WIZ: variants seen among roughly 807,000 people sequenced by gnomAD.
The protein encoded by WIZ is protein Wiz.
In WIZ, 25 loss-of-function variants were observed where a neutral mutation model predicts 140.2. The observed-to-expected ratio is 0.18, with a 90% CI of 0.13 to 0.25. WIZ has a LOEUF of 0.25. Among genes scored for constraint, WIZ ranks in the 10% least tolerant of loss-of-function variants. The probability of loss-of-function intolerance (pLI) is 1.00; values close to 1 mark genes in which losing one functional copy is unlikely to be tolerated. For missense variants in WIZ, 2,231 were observed against 2,632.6 expected, an observed-to-expected ratio of 0.85 and a Z score of 3.34; for synonymous variants, 1,125 against 1,154.3, an observed-to-expected ratio of 0.97 and a Z score of 0.51.
At chr19:15,438,461 C>A in intron 4 of WIZ, 117 bp downstream of exon 4, 1 of 1,228,080 alleles carries the variant, frequency 8.1e-7, no homozygotes, top group Admixed American at 2.9e-5. Flanking sequence ...GCTCTCAAGT[C>A]TCTCAGGAGC....
rs1339088334 is a variant in WIZ at position 15,449,851 on chromosome 19, T to G, written c.-114A>C. ...CGGGGCTCGGAGCTCCCCTCCTTGG[T>G]GCGGCCGTCGCTGCCGCTACCGCCG... On this transcript the variant is annotated 5_prime_UTR_variant, in exon 1 of 13. Transcript: ENST00000673675. 1.3e-5 allele frequency: 2 copies of G among 148,838 alleles called. No homozygotes were observed. The highest frequency in any genetic ancestry group is 3.0e-5 in the Non-Finnish European group (2 of 66,386). The allele number at this position is 148,838 out of a possible 1,614,324, so 9.2% of individuals were successfully genotyped here. A position where few individuals can be genotyped will look rare whatever the true frequency, so the allele number is the denominator to read the frequency against.
rs1373016827 is a variant in WIZ, at chr19:15,428,632, C to T, written c.3416-124G>A. The T allele has an allele frequency of 2.1e-5, 23 of 1,117,626 alleles. No individual in the cohort carries two copies. The highest frequency in any genetic ancestry group is 7.8e-5 in the African/African-American group (5 of 63,790). 69.2% of individuals were successfully genotyped at this position (1,117,626 alleles called of 1,614,324 possible). A position where few individuals can be genotyped will look rare whatever the true frequency, so the allele number is the denominator to read the frequency against. ...CAGTTGGGGGGTCCAAGACTCAGGCCGCAGATTTCTTTTGAAGTTTGGGAA... is the reference window on the plus strand; with the variant it reads ...CAGTTGGGGGGTCCAAGACTCAGGCTGCAGATTTCTTTTGAAGTTTGGGAA... On this transcript the variant is annotated intron_variant, in intron 7 of 12. Coordinates refer to ENST00000673675, the MANE Select transcript of WIZ (RefSeq NM_001371589.1). The surrounding 1 kb of genome is among the most constrained non-coding windows in gnomAD (Gnocchi z 6.4).
rs1383922311 is a variant in WIZ at position 15,440,615 on chromosome 19, G to C, written c.379C>G (p.His127Asp). 48 of 1,534,452 alleles carry C rather than the reference G, an allele frequency of 3.1e-5. No individual in the cohort carries two copies. Among genetic ancestry groups the C allele is most frequent in the Non-Finnish European group, 3.8e-5 (44 of 1,145,666 alleles). ...TCCCCAGCCTCCTGGACAAGGGGGT[G>C]CTCCCAGGGCCCCCGGCCATCAGGG... Reference protein sequence around the residue: ...GTPDGRGPWEHPLVQEAGEGI... With the variant: ...GTPDGRGPWEDPLVQEAGEGI... Residue 127 changes from histidine (H) to aspartate (D), a missense_variant, in exon 4 of 13, where the codon CAC becomes GAC. His to Asp is a moderately conservative substitution (Grantham distance 81). Coordinates refer to ENST00000673675, the MANE Select transcript of WIZ (RefSeq NM_001371589.1). This position sits in a 1 kb window ranked among gnomAD's most constrained non-coding sequence, Gnocchi z 6.2.
At chr19:15,437,184 C>T in intron 4 of WIZ, 55 bp from the exon 5 acceptor site, 3 of 1,462,872 alleles carry the variant, frequency 2.1e-6, no homozygotes, top group Non-Finnish European at 2.7e-6. Context: ...TCCCCAGCCC[C>T]AACCCCTCCC....
At chr19:15,432,226 G>A (rs1341668202) in intron 5 of WIZ, among the ~76,000 whole-genome samples, 2 of 152,000 alleles carry the variant, frequency 1.3e-5, no homozygotes, top group South Asian at 2.1e-4. Flanking sequence ...TCTGTCAGAC[G>A]GGGCAAAGGT....
intron 5 of WIZ, among the ~76,000 whole-genome samples, chr19:15,434,585 CAA>C (rs5827287): frequency 5.6e-5 from 7 of 124,126 alleles, no homozygotes; most frequent in Non-Finnish European, 8.3e-5. Flanking sequence ...GACTCCATCT[CAA>C]AAAAAAAAAA....
rs760112356 is a variant in WIZ at position 15,436,937 on chromosome 19, G to A, written c.2609C>T (p.Pro870Leu). Residue 870 changes from proline to leucine, a missense_variant, in exon 5 of 13, where the codon CCC (proline) becomes CTC (leucine). By Grantham distance (98) the Pro-to-Leu change is moderately conservative (BLOSUM62 -3). Coordinates refer to ENST00000673675, the MANE Select transcript of WIZ (RefSeq NM_001371589.1). ...ELLATSAAEQ[P>L]PSPLGREPGG... ...AGGCTCTCGGCCCAGGGGGCTGGGG[G>A]GCTGCTCAGCAGCAGAGGTGGCCAG... The A allele has an allele frequency of 6.2e-7, 1 of 1,613,540 alleles. No individual in the cohort carries two copies. The highest frequency in any genetic ancestry group is 2.2e-5 in the East Asian group (1 of 44,840).
chr19:15,439,506 G>C lies in WIZ; in HGVS notation c.1488C>G (p.Gly496=), dbSNP rs1164280012. The C allele has an allele frequency of 1.3e-6, 2 of 1,534,528 alleles. No homozygotes were observed. Among genetic ancestry groups the C allele is most frequent in the Middle Eastern group, 1.7e-4 (1 of 5,980 alleles). ...TGGCAGGGTCTTCCTCATAAGCCTC[G>C]CCATCCTCCTCCCAGTGGGGATGGG... ...VHAHPHWEED[G]EAYEEDPASQ... is the part of the protein sequence containing the mutation. Residue 496 remains glycine (G), a synonymous_variant, in exon 4 of 13, where the codon GGC becomes GGG. Transcript: ENST00000673675. The surrounding 1 kb of genome is among the most constrained non-coding windows in gnomAD (Gnocchi z 7.0).
At position 15,440,426 on chromosome 19, in the gene WIZ, C is replaced by T. The variant is rs1184388053; in HGVS notation, c.568G>A (p.Glu190Lys). 8 of 1,535,948 alleles carry T rather than the reference C, an allele frequency of 5.2e-6. No homozygotes were observed. Among genetic ancestry groups the T allele is most frequent in the African/African-American group, 4.1e-5 (3 of 73,040 alleles). The change falls in exon 4 of 13, where the codon GAG (glutamate) becomes AAG (lysine). Residue 190 changes from glutamate to lysine, a missense_variant. Glu to Lys is a moderately conservative substitution (Grantham distance 56, BLOSUM62 1). This residue lies in a region of WIZ where 307 missense variants were observed against 294.1 expected (regional missense o/e 1.04). Coordinates refer to ENST00000673675, the MANE Select transcript of WIZ (RefSeq NM_001371589.1). The surrounding 1 kb of genome is among the most constrained non-coding windows in gnomAD (Gnocchi z 6.2). ...GRPRFDWLQD[E>K]DEQGSPQDAG... ...TCCTGGGGGGATCCCTGCTCGTCCT[C>T]ATCTTGGAGCCAGTCGAACCTGGGG...
Position 15,425,652 on chromosome 19 carries a change from C to G in WIZ, c.4483G>C (p.Glu1495Gln). ...ATGGGCGAACCATTGACGGACCACT[C>G]GGTCACACCCATCTGCCGCAGGTGT... The part of the protein sequence containing the change: ...RSHLRQMGVT[E>Q]WSVNGSPIDT... Residue 1495 changes from glutamate (E) to glutamine (Q), a missense_variant, in exon 10 of 13, where the codon GAG (glutamate) becomes CAG (glutamine). This residue lies in a region of WIZ where 393 missense variants were observed against 451.7 expected (regional missense o/e 0.87). Transcript: ENST00000673675. 1 of 1,613,638 alleles carries G rather than the reference C, an allele frequency of 6.2e-7. No individual in the cohort carries two copies. The highest frequency in any genetic ancestry group is 8.5e-7 in the Non-Finnish European group (1 of 1,179,952).
rs917548979 is a variant in WIZ, at chr19:15,437,025, G to T, written c.2521C>A (p.Arg841Ser). ...TCCCAGTTGGTGATACCGAAGTCAC[G>T]TAGGTGGGCCCGGGCGTGGCTGGAG... Reference protein sequence around the residue: ...GLSSHARAHLRDFGITNWELT... With the variant: ...GLSSHARAHLSDFGITNWELT... The change falls in exon 5 of 13, where the codon CGT becomes AGT. Residue 841 changes from arginine to serine, a missense_variant. Around this residue, in one of 15 missense-constraint regions of WIZ, gnomAD observed 118 missense variants for 209.1 expected, o/e 0.56. Coordinates refer to ENST00000673675, the MANE Select transcript of WIZ (RefSeq NM_001371589.1). 9 of 1,613,732 alleles carry T rather than the reference G, an allele frequency of 5.6e-6. No individual in the cohort carries two copies. Among genetic ancestry groups the T allele is most frequent in the Non-Finnish European group, 7.6e-6 (9 of 1,179,902 alleles).
chr19:15,425,440 C>G lies in WIZ; in HGVS notation c.4695G>C (p.Pro1565=). ...GGCTGAGCTCACGAGGAACCTGGGC[C>G]GGCCCTGCACCTGGTTTGCCTGGCC... The part of the protein sequence containing the change: ...AGRPGKPGAG[P]AQVPRELSLT... The change falls in exon 10 of 13, where the codon CCG becomes CCC. Residue 1565 remains proline, a synonymous_variant. Transcript: ENST00000673675. 6.4e-7 allele frequency: 1 copy of G among 1,570,916 alleles called. No individual in the cohort carries two copies. The highest frequency in any genetic ancestry group is 1.9e-5 in the Admixed American group (1 of 52,882).
At chr19:15,443,190 G>A (rs577035932) in intron 2 of WIZ, among the ~76,000 whole-genome samples, 52 of 152,328 alleles carry the variant, frequency 3.4e-4, no homozygotes, top group Middle Eastern at 3.4e-3. Flanking sequence ...TCCTACCTTA[G>A]CCTCCTGAGT....
Position 15,424,752 on chromosome 19 carries a change from G to A in WIZ, c.5175C>T (p.Gly1725=), listed in dbSNP as rs527969902. 107 of 1,570,336 alleles carry A rather than the reference G, an allele frequency of 6.8e-5. No homozygotes were observed. The African/African-American group carries it at 1.3e-3, about 20-fold the overall frequency. Reference sequence around the variant, plus strand: ...CGGCACTGCGGCCGACCACGGCCAGGCCCCCGGGTGCCAGCCCCAGGGACG... The same window carrying A: ...CGGCACTGCGGCCGACCACGGCCAGACCCCCGGGTGCCAGCCCCAGGGACG... ...KRPSLGLAPG[G]LAVVGRSAGG... is the part of the protein sequence containing the mutation. The change falls in exon 11 of 13, where the codon GGC becomes GGT. Residue 1725 remains glycine, a synonymous_variant. Transcript: ENST00000673675. The surrounding 1 kb of genome is among the most constrained non-coding windows in gnomAD (Gnocchi z 9.7).
rs1452591067 is a variant in WIZ, at chr19:15,428,266, C to T, written c.3658G>A (p.Ala1220Thr). Residue 1220 changes from alanine (A) to threonine (T), a missense_variant, in exon 8 of 13, where the codon GCG (alanine) becomes ACG (threonine). Physicochemically the swap from Ala to Thr is moderately conservative, Grantham distance 58 (BLOSUM62 0). This residue lies in a region of WIZ where 141 missense variants were observed against 161.2 expected (regional missense o/e 0.87). Coordinates refer to ENST00000673675, the MANE Select transcript of WIZ (RefSeq NM_001371589.1). This position sits in a 1 kb window ranked among gnomAD's most constrained non-coding sequence, Gnocchi z 6.4. The stretch of plus-strand genomic sequence containing the variant: ...GGGGGGGGAAGCAAGGAGAGGGCCG[C>T]GGAGGTGGGAGGCGGCCGCCCCGGG... Reference protein sequence around the residue: ...AHPGRPPPTSAALSLLPPPPP... With the variant: ...AHPGRPPPTSTALSLLPPPPP... The T allele has an allele frequency of 4.9e-5, 75 of 1,527,562 alleles. No homozygotes were observed. Among genetic ancestry groups the T allele is most frequent in the Non-Finnish European group, 5.4e-5 (62 of 1,143,758 alleles). 94.6% of individuals were successfully genotyped at this position (1,527,562 alleles called of 1,614,324 possible). A position where few individuals can be genotyped will look rare whatever the true frequency, so the allele number is the denominator to read the frequency against.
In WIZ at chr19:15,437,026, T is replaced by C. The variant is rs1166011413; in HGVS notation, c.2520A>G (p.Leu840=). The C allele has an allele frequency of 1.2e-6, 2 of 1,613,700 alleles. No individual in the cohort carries two copies. Among genetic ancestry groups the C allele is most frequent in the Non-Finnish European group, 1.7e-6 (2 of 1,179,842 alleles). The change falls in exon 5 of 13, where the codon CTA becomes CTG. Residue 840 remains leucine (L), a synonymous_variant. Transcript: ENST00000673675. ...AGLSSHARAH[L]RDFGITNWEL... is the part of the protein sequence containing the mutation. Reference sequence around the variant, plus strand: ...CCCAGTTGGTGATACCGAAGTCACGTAGGTGGGCCCGGGCGTGGCTGGAGA... The same window carrying C: ...CCCAGTTGGTGATACCGAAGTCACGCAGGTGGGCCCGGGCGTGGCTGGAGA...
intron 5 of WIZ, among the ~76,000 whole-genome samples, chr19:15,435,229 C>G (rs1383799682): frequency 1.3e-5 from 2 of 151,454 alleles, no homozygotes; most frequent in African/African-American, 4.9e-5. Flanking sequence ...AACCAACCAA[C>G]AAACAAAAAA....
intron 12 of WIZ, among the ~76,000 whole-genome samples, chr19:15,423,772 AT>A (rs1308106559): frequency 6.6e-6 from 1 of 152,234 alleles, no homozygotes; most frequent in African/African-American, 2.4e-5. Context: ...TTTGGTAAGA[AT>A]TAACTAAGAT....
intron 5 of WIZ, among the ~76,000 whole-genome samples, chr19:15,436,311 T>C (rs1050632270): frequency 6.6e-6 from 1 of 152,246 alleles, no homozygotes; most frequent in Non-Finnish European, 1.5e-5. Flanking sequence ...CTTCTCAAGA[T>C]AGAAGATGTC....
Sources: allele counts gnomAD v4.1 joint callset (sites outside exome capture counted in the v4.1 genomes callset), GRCh38; gene constraint gnomAD v4.1.1; regional missense constraint gnomAD v4.1.1; non-coding constraint Gnocchi (gnomAD v3.1); transcripts MANE v1.5; gene names NCBI Gene and HGNC (gene_info 2026-07-23, HGNC 2026-07-21).